Variants in NRG3 observed in about 807,000 individuals in gnomAD.
The protein encoded by NRG3 is neuregulin 3.
In NRG3, 31 loss-of-function variants were observed where a neutral mutation model predicts 66.9. The ratio of observed to expected loss-of-function variants is 0.46; its 90% CI spans 0.35 to 0.63. The LOEUF (loss-of-function observed/expected upper bound fraction) is 0.63. Among genes scored for constraint, NRG3 ranks in the 20% least tolerant of loss-of-function variants. The pLI is 0.00. For missense variants in NRG3, 910 were observed against 878.9 expected, an observed-to-expected ratio of 1.04 and a Z score of -0.45; for synonymous variants, 393 against 359.4, an observed-to-expected ratio of 1.09 and a Z score of -1.06.
intron 1 of NRG3, among the ~76,000 whole-genome samples, chr10:82,313,256 GA>G (rs1374270255): frequency 1.3e-5 from 2 of 152,036 alleles, no homozygotes; most frequent in African/African-American, 4.8e-5. Flanking sequence ...AGAATCGCTT[GA>G]ACCCAGGAGG....
intron 1 of NRG3, among the ~76,000 whole-genome samples, chr10:82,223,375 A>C (rs1366359510): frequency 6.6e-6 from 1 of 152,136 alleles, no homozygotes; most frequent in Non-Finnish European, 1.5e-5. Flanking sequence ...CTGTTCATAT[A>C]GGTAATAGTC....
At chr10:82,717,638 C>T (rs1413543911) in intron 2 of NRG3, among the ~76,000 whole-genome samples, 2 of 151,884 alleles carry the variant, frequency 1.3e-5, no homozygotes, top group African/African-American at 4.8e-5. Flanking sequence ...CTCCTGACCT[C>T]GTGATCCGCC....
At chr10:82,041,525 G>T (rs1002179226) in intron 1 of NRG3, among the ~76,000 whole-genome samples, 1 of 151,930 alleles carries the variant, frequency 6.6e-6, no homozygotes, top group Non-Finnish European at 1.5e-5. Flanking sequence ...AGCCACCTTT[G>T]GGAGCTATTT....
At chr10:82,752,109 C>T (rs2058890428) in intron 3 of NRG3, among the ~76,000 whole-genome samples, 1 of 152,124 alleles carries the variant, frequency 6.6e-6, no homozygotes, top group Non-Finnish European at 1.5e-5. Context: ...AGTACACCTA[C>T]TTTAAAATTT....
At chr10:82,812,157 G>A (rs980722825) in intron 3 of NRG3, among the ~76,000 whole-genome samples, 15 of 151,398 alleles carry the variant, frequency 9.9e-5, no homozygotes, top group African/African-American at 3.4e-4. Context: ...TGAAATGTAG[G>A]TTCCAGTTCG....
At chr10:82,191,964 T>C (rs1024774228) in intron 1 of NRG3, among the ~76,000 whole-genome samples, 95 of 152,192 alleles carry the variant, frequency 6.2e-4, no homozygotes, top group Non-Finnish European at 5.9e-5. Flanking sequence ...ACACTTTCCT[T>C]TCATTCTCTC....
At chr10:82,048,517 T>C (rs1260714220) in intron 1 of NRG3, among the ~76,000 whole-genome samples, 4 of 150,812 alleles carry the variant, frequency 2.7e-5, no homozygotes, top group African/African-American at 7.3e-5. Flanking sequence ...CATAACGAAA[T>C]GAAGGCAGAA....
chr10:82,925,863 C>T lies in NRG3; in HGVS notation c.1055-25606C>T, dbSNP rs571974693. ...TAGTCTTTCCCAGAGAGAGGCTTGC[C>T]CTACACCCCCTTTTGCAGCCTGCCC... is the stretch of plus-strand genomic sequence containing the variant. On this transcript the variant is annotated intron_variant, in intron 4 of 8. Transcript: ENST00000372141. Among the ~76,000 whole-genome samples the T allele has an allele frequency of 2.0e-5, 3 of 152,306 alleles. No individual in the cohort carries two copies. In the South Asian group the frequency reaches 6.2e-4, roughly 32 times the overall value.
At chr10:82,217,813 A>G (rs1266645896) in intron 1 of NRG3, among the ~76,000 whole-genome samples, 2 of 152,194 alleles carry the variant, frequency 1.3e-5, no homozygotes, top group South Asian at 2.1e-4. Flanking sequence ...TGGCAGTAAT[A>G]CATCCTTTGA....
At chr10:82,805,714 AAGG>A (rs2135466487) in intron 3 of NRG3, among the ~76,000 whole-genome samples, 1 of 152,278 alleles carries the variant, frequency 6.6e-6, no homozygotes, top group East Asian at 1.9e-4. Flanking sequence ...GATGATCTCC[AAGG>A]AGATGTTCCT....
chr10:82,805,061 T>A (rs1292728541), intron 3 of NRG3, among the ~76,000 whole-genome samples: 4 of 152,226 alleles, frequency 2.6e-5, no homozygotes, highest in African/African-American at 9.6e-5. Flanking sequence ...GCTATTCAAA[T>A]GTATTATGCA....
At chr10:82,450,557 G>T (rs1372940866) in intron 2 of NRG3, among the ~76,000 whole-genome samples, 1 of 152,106 alleles carries the variant, frequency 6.6e-6, no homozygotes, top group Non-Finnish European at 1.5e-5. Flanking sequence ...TTCTGGAGCA[G>T]ATTTGAAAGC....
At chr10:82,026,990 T>G (rs1292645790) in intron 1 of NRG3, among the ~76,000 whole-genome samples, 1 of 152,024 alleles carries the variant, frequency 6.6e-6, no homozygotes, top group African/African-American at 2.4e-5. Context: ...ACCTGTTTAA[T>G]GCTATTATTT....
At chr10:82,606,993 A>G (rs1214274408) in intron 2 of NRG3, among the ~76,000 whole-genome samples, 2 of 151,956 alleles carry the variant, frequency 1.3e-5, no homozygotes, top group South Asian at 2.1e-4. Context: ...CCCATCCCCA[A>G]ACCTCTTGGG....
At chr10:82,221,637 A>G (rs2133781532) in intron 1 of NRG3, among the ~76,000 whole-genome samples, 1 of 152,342 alleles carries the variant, frequency 6.6e-6, no homozygotes, top group Admixed American at 6.5e-5. Context: ...AGCAGTCTGT[A>G]TTAAAAACAA....
intron 1 of NRG3, among the ~76,000 whole-genome samples, chr10:82,084,511 T>TC (rs2065605091): frequency 1.3e-5 from 2 of 151,762 alleles, no homozygotes; most frequent in African/African-American, 4.8e-5. Context: ...GATTTTTTTT[T>TC]TTTTTTGCCA....
At chr10:82,689,767 G>A (rs1170835314) in intron 2 of NRG3, among the ~76,000 whole-genome samples, 1 of 152,162 alleles carries the variant, frequency 6.6e-6, no homozygotes, top group Non-Finnish European at 1.5e-5. Flanking sequence ...ATTGGAAGAC[G>A]AAAGTGAAGT....
intron 1 of NRG3, among the ~76,000 whole-genome samples, chr10:82,027,684 A>C (rs941015299): frequency 6.6e-6 from 1 of 152,110 alleles, no homozygotes; most frequent in South Asian, 2.1e-4. Context: ...AGGTCTTGCC[A>C]TCAGGTTGAA....
chr10:82,308,869 C>T (rs1234753970), intron 1 of NRG3, among the ~76,000 whole-genome samples: 1 of 152,110 alleles, frequency 6.6e-6, no homozygotes, highest in African/African-American at 2.4e-5. Flanking sequence ...GTTTCCTCCA[C>T]CTGATATAGT....
Sources: gnomAD v4.1 joint callset for allele counts (sites outside exome capture counted in the v4.1 genomes callset) on GRCh38, gnomAD v4.1.1 for gene constraint, MANE v1.5 for transcripts, NCBI Gene and HGNC (gene_info 2026-07-23, HGNC 2026-07-21) for gene names.